The following OTOGL variants were observed in gnomAD, a reference collection of about 807,000 sequenced individuals.
The protein encoded by OTOGL is otogelin like, also known as otogelin-like protein.
In OTOGL, 285 loss-of-function variants were observed where a neutral mutation model predicts 318.5. The observed-to-expected ratio is 0.89, with a 90% confidence interval of 0.81 to 0.99. The LOEUF is 0.99. Among genes scored for constraint, OTOGL ranks in the 50% least tolerant of loss-of-function variants. The pLI is 0.00. For missense variants in OTOGL, 2,899 were observed against 2,845.6 expected, an observed-to-expected ratio of 1.02 and a Z score of -0.43; for synonymous variants, 987 against 936.5, an observed-to-expected ratio of 1.05 and a Z score of -0.99.
intron 1 of OTOGL, among the ~76,000 whole-genome samples, chr12:80,108,904 G>A (rs914947098): frequency 1.6e-5 from 2 of 124,930 alleles, no homozygotes; most frequent in African/African-American, 7.0e-5. Flanking sequence ...GTATATATAT[G>A]TGTATATATA....
intron 1 of OTOGL, among the ~76,000 whole-genome samples, chr12:80,192,561 G>T (rs1875767926): frequency 6.6e-6 from 1 of 152,286 alleles, no homozygotes; most frequent in Non-Finnish European, 1.5e-5. Context: ...TAAGGTCCTA[G>T]ATTTTACATA....
At chr12:80,336,314 A>G in intron 39 of OTOGL, 99 bp from the exon 40 acceptor site, 1 of 1,362,064 alleles carries the variant, frequency 7.3e-7, no homozygotes. Flanking sequence ...TTCTTGTCAG[A>G]CATAATAAGG....
intron 1 of OTOGL, among the ~76,000 whole-genome samples, chr12:80,172,594 AT>A (rs1423806378): frequency 2.7e-5 from 4 of 148,090 alleles, no homozygotes; most frequent in South Asian, 4.2e-4. Flanking sequence ...TTTCTATCTG[AT>A]TTTTTTCTAT....
intron 53 of OTOGL, 82 bp from the exon 54 acceptor site, chr12:80,367,479 A>G: frequency 9.1e-7 from 1 of 1,104,718 alleles, no homozygotes; most frequent in Non-Finnish European, 1.2e-6. Flanking sequence ...ATGAAAACAT[A>G]GACTCAAATA....
chr12:80,126,220 A>G (rs1870827414), intron 1 of OTOGL, among the ~76,000 whole-genome samples: 1 of 152,078 alleles, frequency 6.6e-6, no homozygotes, highest in Non-Finnish European at 1.5e-5. Context: ...AATGTGTCCT[A>G]GAGATTCTGG....
intron 1 of OTOGL, among the ~76,000 whole-genome samples, chr12:80,200,531 C>T (rs945216655): frequency 2.6e-5 from 4 of 152,176 alleles, no homozygotes; most frequent in Non-Finnish European, 5.9e-5. Flanking sequence ...ACTCCTTGAG[C>T]CCTTGGCTTG....
chr12:80,368,346 C>T (rs1484947851), intron 55 of OTOGL, 37 bp downstream of exon 55: 2 of 1,485,608 alleles, frequency 1.3e-6, no homozygotes, highest in Admixed American at 3.9e-5. Flanking sequence ...GTGCTATTTT[C>T]TGAAGGAGGA....
intron 1 of OTOGL, among the ~76,000 whole-genome samples, chr12:80,126,877 T>C (rs1870880243): frequency 6.6e-6 from 1 of 152,216 alleles, no homozygotes; most frequent in Non-Finnish European, 1.5e-5. Flanking sequence ...TGCCTTTTTT[T>C]GTTTTCCATT....
chr12:80,265,850 A>G (rs1411666666), intron 20 of OTOGL: 3 of 152,862 alleles, frequency 2.0e-5, no homozygotes, highest in Non-Finnish European at 4.4e-5. Flanking sequence ...TAATTGCTCA[A>G]TTTTGGCTTT....
intron 1 of OTOGL, among the ~76,000 whole-genome samples, chr12:80,143,885 G>A (rs770647422): frequency 6.6e-6 from 1 of 152,004 alleles, no homozygotes; most frequent in East Asian, 1.9e-4. Flanking sequence ...TGCTATTCAG[G>A]TGTACTGTTT....
chr12:80,125,149 A>G (rs1440361802), intron 1 of OTOGL, among the ~76,000 whole-genome samples: 1 of 152,224 alleles, frequency 6.6e-6, no homozygotes, highest in Non-Finnish European at 1.5e-5. Context: ...GGTTCTGCCC[A>G]TTCAGTATGA....
chr12:80,112,885 T>C (rs4287383), intron 1 of OTOGL, among the ~76,000 whole-genome samples: 7,450 of 152,228 alleles, frequency 0.049, 457 homozygotes, highest in East Asian at 0.16. Flanking sequence ...TGTCTGGTCC[T>C]GGACTTTTTT....
At position 80,198,455 on chromosome 12, in the gene OTOGL, G is replaced by C. The variant is rs1197375312; in HGVS notation, c.-19-10958G>C. ...AAAAATTAGCTGGGCATGGTGGCAC[G>C]TGCCTGTAATCCCAGCTACCTGGGA... On this transcript the variant is annotated intron_variant, in intron 1 of 58. Transcript: ENST00000547103. 2.6e-5 allele frequency among the ~76,000 whole-genome samples: 4 copies of C among 151,998 alleles called. No individual in the cohort carries two copies. The East Asian group carries it at 7.7e-4, about 29-fold the overall frequency.
rs1882198563 is a variant in OTOGL at position 80,257,878 on chromosome 12, T to C, written c.1765T>C (p.Phe589Leu). ...SSLFILLKTT[F>L]GLKILFAIDG... ...CTTATTTATACTTCTAAAAACCACA[T>C]TTGGTTTAAAGATTCTGTTTGCTAT... The change falls in exon 18 of 59, where the codon TTT becomes CTT. Residue 589 changes from phenylalanine (F) to leucine (L), a missense_variant. Phe to Leu is a conservative substitution (Grantham distance 22, BLOSUM62 0). This residue lies in a region of OTOGL where 2,607 missense variants were observed against 2,524.9 expected (regional missense o/e 1.03). Coordinates refer to ENST00000547103, the MANE Select transcript of OTOGL (RefSeq NM_001378609.3). 19 of 1,593,902 alleles carry C rather than the reference T, an allele frequency of 1.2e-5. No homozygotes were observed. Among genetic ancestry groups the C allele is most frequent in the Non-Finnish European group, 1.6e-5 (19 of 1,177,156 alleles).
chr12:80,378,338 TG>T lies in OTOGL; in HGVS notation c.*292del. Reference sequence around the variant, plus strand: ...GCAGATACAGTATATTCTCATCAACTGGAAGGTTATTTTGCAAAATTCCTTC... The same window carrying T: ...GCAGATACAGTATATTCTCATCAACTGAAGGTTATTTTGCAAAATTCCTTC... On this transcript the variant is annotated 3_prime_UTR_variant, in exon 59 of 59. Transcript: ENST00000547103. The T allele has an allele frequency of 4.3e-6, 1 of 232,614 alleles. No individual in the cohort carries two copies. 14.4% of individuals were successfully genotyped at this position (232,614 alleles called of 1,614,324 possible).
At chr12:80,154,188 A>C (rs918448564) in intron 1 of OTOGL, among the ~76,000 whole-genome samples, 3 of 152,124 alleles carry the variant, frequency 2.0e-5, no homozygotes, top group Non-Finnish European at 2.9e-5. Flanking sequence ...TCACGCCTGT[A>C]GTCCCAGCTA....
chr12:80,314,947 A>G (rs554104608), intron 32 of OTOGL, among the ~76,000 whole-genome samples: 1 of 152,326 alleles, frequency 6.6e-6, no homozygotes, highest in Non-Finnish European at 1.5e-5. Flanking sequence ...CCTAGAGAAC[A>G]TTATGCTAAG....
chr12:80,358,652 A>G lies in OTOGL; in HGVS notation c.6122-19A>G, dbSNP rs1178586141. 1 of 1,548,332 alleles carries G rather than the reference A, an allele frequency of 6.5e-7. No homozygotes were observed. ...AACTCTATAAAATTCATCTTTACCC[A>G]TGTAATTTTTCTTTTTAGTATGTGA... On this transcript the variant is annotated intron_variant, in intron 50 of 58. Transcript: ENST00000547103.
intron 1 of OTOGL, among the ~76,000 whole-genome samples, chr12:80,108,789 ATATATATATATGTATATATATATGTG>A (rs1869618776): frequency 7.5e-6 from 1 of 132,510 alleles, no homozygotes; most frequent in Non-Finnish European, 1.6e-5. Context: ...ATATATATGT[ATATATATATATGTATATATATATGTG>A]TATATATATG....
Sources: gnomAD v4.1 joint callset for allele counts (sites outside exome capture counted in the v4.1 genomes callset) on GRCh38, gnomAD v4.1.1 for gene constraint, gnomAD v4.1.1 regional missense constraint, MANE v1.5 for transcripts, NCBI Gene and HGNC (gene_info 2026-07-23, HGNC 2026-07-21) for gene names.